The following LCN12 variants were observed in gnomAD, a reference collection of about 807,000 sequenced individuals.
The protein encoded by LCN12 is lipocalin 12.
In LCN12, 15 loss-of-function variants were observed where a neutral mutation model predicts 23.7. The ratio of observed to expected loss-of-function variants is 0.63; its 90% CI spans 0.42 to 0.97. The LOEUF (loss-of-function observed/expected upper bound fraction) is 0.97, where lower values mean the gene tolerates loss of function less well. Ranked by LOEUF, LCN12 falls within the 50% of genes least tolerant of loss-of-function variation. The pLI, the probability that LCN12 is intolerant of heterozygous loss-of-function variation, is 0.00. For synonymous variants in LCN12, 116 were observed against 111.5 expected (o/e 1.04, Z -0.25); for missense variants, 219 against 249.6 (o/e 0.88, Z 0.83).
At chr9:136,950,130 G>A (rs1851114359), upstream of LCN12, among the ~76,000 whole-genome samples, 1 of 152,246 alleles carries the variant, frequency 6.6e-6, no homozygotes, top group Non-Finnish European at 1.5e-5. Flanking sequence ...CCCTGATTGG[G>A]CGGCGGAGGT....
At position 136,952,394 on chromosome 9, in the gene LCN12, A is replaced by G. The variant is rs755290138; in HGVS notation, c.67A>G (p.Thr23Ala). The change falls in exon 1 of 6, where the codon ACC becomes GCC. Residue 23 changes from threonine (T) to alanine (A), a missense_variant. Thr to Ala is a moderately conservative substitution (Grantham distance 58). Transcript: ENST00000371633. ...LLKVLQAQTPTPLPLPPPMQS... is the reference protein window; with the variant it reads ...LLKVLQAQTPAPLPLPPPMQS... ...GAAAGTCCTGCAGGCCCAGACCCCA[A>G]CCCCCCTGCCACTCCCGCCCCCGAT... The G allele has an allele frequency of 3.2e-6, 5 of 1,582,504 alleles. No homozygotes were observed. The highest frequency in any genetic ancestry group is 4.6e-5 in the East Asian group (2 of 43,472).
intron 5 of LCN12, chr9:136,955,050 A>T: frequency 7.2e-7 from 1 of 1,391,250 alleles, no homozygotes; most frequent in South Asian, 1.5e-5. Context: ...GCTGGTCTGC[A>T]CACACCTGCA....
chr9:136,954,176 C>G lies in LCN12; in HGVS notation c.471C>G (p.Pro157=). 2.6e-6 allele frequency: 4 copies of G among 1,566,482 alleles called. No individual in the cohort carries two copies. The highest frequency in any genetic ancestry group is 3.5e-6 in the Non-Finnish European group (4 of 1,154,810). ...SLLGRSWLLP[P]GTLDQFICLG... ...CAGGCAGGAGCTGGTTGCTGCCTCC[C>G]GGGACGCTGGACCAGTTCATCTGCC... The change falls in exon 5 of 6, where the codon CCC becomes CCG. Residue 157 remains proline, a synonymous_variant. Coordinates refer to ENST00000371633, the MANE Select transcript of LCN12 (RefSeq NM_178536.4).
At chr9:136,950,874 G>A (rs1441415421), upstream of LCN12, among the ~76,000 whole-genome samples, 6 of 152,148 alleles carry the variant, frequency 3.9e-5, no homozygotes, top group Non-Finnish European at 8.8e-5. Context: ...CGAGTGGCCA[G>A]GCTGGGGCTG....
chr9:136,950,261 GT>G (rs1851121098), upstream of LCN12, among the ~76,000 whole-genome samples: 1 of 152,212 alleles, frequency 6.6e-6, no homozygotes, highest in Non-Finnish European at 1.5e-5. Context: ...TGCAGGGGAC[GT>G]GGGGGGCACA....
At chr9:136,953,626 C>A in intron 2 of LCN12, 74 bp from the exon 3 acceptor site, 3 of 1,147,538 alleles carry the variant, frequency 2.6e-6, no homozygotes, top group Non-Finnish European at 2.4e-6. Context: ...TGGCTGAAAT[C>A]TCCTGAGGGG....
upstream of LCN12, chr9:136,952,204 G>A (rs1299814527): frequency 1.7e-5 from 12 of 720,560 alleles, no homozygotes; most frequent in Non-Finnish European, 2.9e-5. Flanking sequence ...GAGGAGGGAG[G>A]CAGAGGGGCA....
chr9:136,952,269 G>T, upstream of LCN12: 4 of 1,254,820 alleles, frequency 3.2e-6, no homozygotes, highest in South Asian at 3.8e-5. Context: ...TGGGTCTCTG[G>T]GTCACCTGCC....
upstream of LCN12, among the ~76,000 whole-genome samples, chr9:136,950,117 G>A (rs959362503): frequency 1.3e-5 from 2 of 152,236 alleles, no homozygotes; most frequent in Non-Finnish European, 2.9e-5. Flanking sequence ...GGCACCTGCA[G>A]GGCCCTGATT....
downstream of LCN12, among the ~76,000 whole-genome samples, chr9:136,955,763 G>A (rs569255186): frequency 1.1e-4 from 16 of 152,372 alleles, no homozygotes; most frequent in Non-Finnish European, 2.2e-4. Context: ...TTGGCTGTGG[G>A]AGTTCGCAGG....
upstream of LCN12, among the ~76,000 whole-genome samples, chr9:136,950,052 T>C (rs10870148): frequency 0.72 from 109,435 of 151,842 alleles, 39,988 homozygotes; most frequent in East Asian, 0.85. Context: ...CGCAGGTGCC[T>C]CAAGGCCCGC....
chr9:136,954,364 C>A, intron 5 of LCN12, 109 bp downstream of exon 5: 1 of 1,256,662 alleles, frequency 8.0e-7, no homozygotes, highest in Non-Finnish European at 1.1e-6. Flanking sequence ...GGGAGCTCAG[C>A]CCCAGCCTGC....
chr9:136,952,773 G>C (rs942067681), intron 1 of LCN12, 119 bp from the exon 2 acceptor site: 3 of 1,243,078 alleles, frequency 2.4e-6, no homozygotes, highest in African/African-American at 1.5e-5. Flanking sequence ...CGCCGGCCCA[G>C]CCAGGAGCAC....
At chr9:136,949,672 A>C (rs1851102512), upstream of LCN12, 1 of 152,660 alleles carries the variant, frequency 6.6e-6, no homozygotes, top group Admixed American at 6.5e-5. Flanking sequence ...GTGGAGGGTA[A>C]GTCTGTCCTT....
At chr9:136,954,815 T>C in intron 5 of LCN12, 8 of 1,284,428 alleles carry the variant, frequency 6.2e-6, no homozygotes, top group African/African-American at 1.5e-5. Flanking sequence ...ACTCTTCTTG[T>C]GGGAGGGCGA....
At chr9:136,954,984 A>C (rs1342560329) in intron 5 of LCN12, 2 of 1,322,850 alleles carry the variant, frequency 1.5e-6, no homozygotes, top group South Asian at 1.5e-5. Flanking sequence ...ACACCCACTT[A>C]CACACACGCC....
At chr9:136,954,089 C>G in intron 4 of LCN12, 65 bp from the exon 5 acceptor site, 1 of 1,514,972 alleles carries the variant, frequency 6.6e-7, no homozygotes, top group South Asian at 1.3e-5. Context: ...GTTCAATCTC[C>G]CACCTACCCA....
At chr9:136,952,754 T>A in intron 1 of LCN12, 138 bp from the exon 2 acceptor site, 1 of 981,282 alleles carries the variant, frequency 1.0e-6, no homozygotes, top group Non-Finnish European at 1.5e-6. Flanking sequence ...TTCTTGCCAG[T>A]GTCCCTGGCG....
upstream of LCN12, among the ~76,000 whole-genome samples, chr9:136,951,002 G>A (rs1183313631): frequency 9.7e-6 from 1 of 103,456 alleles, no homozygotes; most frequent in Non-Finnish European, 2.0e-5. Context: ...GGTGGGAGGG[G>A]GCAGCCAGGA....
Sources: gnomAD v4.1 joint callset for allele counts (sites outside exome capture counted in the v4.1 genomes callset) on GRCh38, gnomAD v4.1.1 for gene constraint, MANE v1.5 for transcripts, NCBI Gene and HGNC (gene_info 2026-07-23, HGNC 2026-07-21) for gene names.